The following CLIC4 variants were observed in gnomAD, a reference collection of about 807,000 sequenced individuals.
CLIC4 encodes the protein chloride intracellular channel protein 4.
CLIC4 carries 13 observed loss-of-function variants against 24.6 expected under a neutral mutation model. The observed-to-expected ratio is 0.53, with a 90% CI of 0.34 to 0.84. The LOEUF is 0.84. CLIC4 is among the 40% of genes least tolerant of loss of function. The probability of loss-of-function intolerance (pLI) is 0.01; values close to 1 mark genes in which losing one functional copy is unlikely to be tolerated. For synonymous variants in CLIC4, 104 were observed against 111.3 expected (o/e 0.93, Z 0.41); for missense variants, 227 against 301.7 (o/e 0.75, Z 1.83).
intron 1 of CLIC4, chr1:24,793,186 A>T (rs1299689304): frequency 6.7e-6 from 1 of 149,552 alleles, no homozygotes; most frequent in African/African-American, 2.5e-5. Flanking sequence ...GTAAATCTCA[A>T]ATTTGGATTA....
In CLIC4 at chr1:24,835,015, T is replaced by C. The variant is rs1182879652; in HGVS notation, c.416-4845T>C. 1.4e-3 allele frequency among the ~76,000 whole-genome samples: 2 copies of C among 1,408 alleles called. 1 individual carries two copies. The highest frequency in any genetic ancestry group is 1.4e-3 in the African/African-American group (2 of 1,390). 0.9% of individuals were successfully genotyped at this position (1,408 alleles called of 152,430 possible). A position where few individuals can be genotyped will look rare whatever the true frequency, so the allele number is the denominator to read the frequency against. ...CGGGAGAGGGCGAGCAGTAACGTTT[T>C]ATATTGATTTTTTATTTTTAAGTGG... On this transcript the variant is annotated intron_variant, in intron 4 of 5. Coordinates refer to ENST00000374379, the MANE Select transcript of CLIC4 (RefSeq NM_013943.3).
intron 1 of CLIC4, among the ~76,000 whole-genome samples, chr1:24,788,819 G>T (rs1639302418): frequency 6.6e-6 from 1 of 152,230 alleles, no homozygotes; most frequent in Admixed American, 6.5e-5. Context: ...AGCAGGCACT[G>T]AGAAGAAAAA....
In CLIC4 at chr1:24,745,473, C is replaced by G. The variant is rs1638674218; in HGVS notation, c.-81C>G. ...GTCCAGCGAGCAGCACGGCGGGAAC[C>G]GGCAGCCGGAGCAGTCCCGGAGCAG... On this transcript the variant is annotated 5_prime_UTR_variant, in exon 1 of 6. Coordinates refer to ENST00000374379, the MANE Select transcript of CLIC4 (RefSeq NM_013943.3). 1 of 1,342,852 alleles carries G rather than the reference C, an allele frequency of 7.4e-7. No individual in the cohort carries two copies. The highest frequency in any genetic ancestry group is 1.3e-5 in the South Asian group (1 of 76,116). The allele number at this position is 1,342,852 out of a possible 1,614,324, so 83.2% of individuals were successfully genotyped here.
At position 24,842,123 on chromosome 1, in the gene CLIC4, T is replaced by C. The variant is rs1639949971; in HGVS notation, c.*1186T>C. The C allele has an allele frequency of 1.3e-5, 2 of 152,310 alleles. No individual in the cohort carries two copies. Among genetic ancestry groups the C allele is most frequent in the Non-Finnish European group, 2.9e-5 (2 of 68,016 alleles). 9.4% of individuals were successfully genotyped at this position (152,310 alleles called of 1,614,324 possible). ...AGTTATGGTGAGTGTGTATTTACTG[T>C]AGTTTTGCCTGATCTCACTCATTGC... On this transcript the variant is annotated 3_prime_UTR_variant, in exon 6 of 6. Transcript: ENST00000374379.
chr1:24,775,616 A>G (rs1208765731), intron 1 of CLIC4, among the ~76,000 whole-genome samples: 1 of 149,738 alleles, frequency 6.7e-6, no homozygotes, highest in African/African-American at 2.5e-5. Context: ...AAGCCAATCT[A>G]GTAATATGAA....
chr1:24,756,514 A>T (rs1049842647), intron 1 of CLIC4, among the ~76,000 whole-genome samples: 4 of 152,202 alleles, frequency 2.6e-5, no homozygotes, highest in African/African-American at 4.8e-5. Flanking sequence ...CTTCCAACTT[A>T]CATGTGAATA....
chr1:24,783,500 G>A (rs949851697), intron 1 of CLIC4, among the ~76,000 whole-genome samples: 2 of 151,940 alleles, frequency 1.3e-5, no homozygotes, highest in Non-Finnish European at 2.9e-5. Flanking sequence ...TCAGGATTTC[G>A]AGACCAGCCT....
intron 1 of CLIC4, among the ~76,000 whole-genome samples, chr1:24,758,171 A>G (rs1314167773): frequency 6.6e-6 from 1 of 152,128 alleles, no homozygotes; most frequent in Non-Finnish European, 1.5e-5. Flanking sequence ...TCTTTTTAAA[A>G]AAGTGTCTTT....
chr1:24,784,943 G>T (rs1211237410), intron 1 of CLIC4, among the ~76,000 whole-genome samples: 2 of 149,640 alleles, frequency 1.3e-5, no homozygotes, highest in Middle Eastern at 3.2e-3. Flanking sequence ...GGCGGAGCTT[G>T]CAGTGAGCCA....
chr1:24,796,972 T>C (rs1639411981), intron 1 of CLIC4, among the ~76,000 whole-genome samples: 1 of 150,904 alleles, frequency 6.6e-6, no homozygotes, highest in South Asian at 2.1e-4. Flanking sequence ...TTTTTTTTTT[T>C]GAGACAGAGT....
intron 4 of CLIC4, among the ~76,000 whole-genome samples, chr1:24,831,932 C>T (rs1639845705): frequency 6.6e-6 from 1 of 152,242 alleles, no homozygotes; most frequent in South Asian, 2.1e-4. Context: ...AAGCACCATG[C>T]CCGGCCATGC....
chr1:24,839,681 C>T (rs1201442876), intron 4 of CLIC4, among the ~76,000 whole-genome samples, 179 bp from the exon 5 acceptor site: 2 of 152,182 alleles, frequency 1.3e-5, no homozygotes, highest in African/African-American at 4.8e-5. Flanking sequence ...CTTGTTTCAT[C>T]CCCTGCCCCA....
intron 1 of CLIC4, among the ~76,000 whole-genome samples, chr1:24,765,390 A>T (rs1362727900): frequency 6.6e-6 from 1 of 152,188 alleles, no homozygotes; most frequent in Non-Finnish European, 1.5e-5. Flanking sequence ...TGGGAGGAAA[A>T]GAAGAACTAA....
chr1:24,838,625 T>G lies in CLIC4; in HGVS notation c.416-1235T>G, dbSNP rs78099882. Among the ~76,000 whole-genome samples the G allele has an allele frequency of 4.1e-3, 628 of 152,308 alleles. 3 individuals are homozygous for G. The highest frequency in any genetic ancestry group is 6.2e-3 in the Non-Finnish European group (419 of 68,032). Reference sequence around the variant, plus strand: ...CCACCTCATGATATTTAACTTTCTTTTATGGCCAGTTACCACAATCATCTG... The same window carrying G: ...CCACCTCATGATATTTAACTTTCTTGTATGGCCAGTTACCACAATCATCTG... On this transcript the variant is annotated intron_variant, in intron 4 of 5. Transcript: ENST00000374379.
chr1:24,769,343 A>C (rs1473438398), intron 1 of CLIC4, among the ~76,000 whole-genome samples: 2 of 152,218 alleles, frequency 1.3e-5, no homozygotes, highest in Non-Finnish European at 2.9e-5. Flanking sequence ...GGTGCTTACT[A>C]TGGGCCAGGC....
Position 24,829,224 on chromosome 1 carries a change from T to C in CLIC4, c.415+2108T>C, listed in dbSNP as rs145494887. Among the ~76,000 whole-genome samples, 56 of 152,346 alleles carry C rather than the reference T, an allele frequency of 3.7e-4. 1 individual carries two copies. The highest frequency in any genetic ancestry group is 1.2e-3 in the African/African-American group (49 of 41,578). ...AAATATTTTCAAAATCCAATATGTT[T>C]GGACAATTTTAAGACCTTTTAGGAC... On this transcript the variant is annotated intron_variant, in intron 4 of 5. Transcript: ENST00000374379.
At chr1:24,759,082 G>C (rs1638888329) in intron 1 of CLIC4, among the ~76,000 whole-genome samples, 1 of 152,260 alleles carries the variant, frequency 6.6e-6, no homozygotes, top group African/African-American at 2.4e-5. Flanking sequence ...CACCTAGAAT[G>C]GATATTGATT....
chr1:24,825,006 A>T (rs953345335), intron 3 of CLIC4, among the ~76,000 whole-genome samples: 2 of 148,736 alleles, frequency 1.3e-5, no homozygotes, highest in South Asian at 2.1e-4. Flanking sequence ...TCACACACAC[A>T]CACACACACA....
At chr1:24,772,720 A>G (rs988153519) in intron 1 of CLIC4, among the ~76,000 whole-genome samples, 1 of 152,148 alleles carries the variant, frequency 6.6e-6, no homozygotes, top group Non-Finnish European at 1.5e-5. Context: ...CCCTGACCTC[A>G]TGATCCACCC....
Sources: gnomAD v4.1 joint callset for allele counts (sites outside exome capture counted in the v4.1 genomes callset) on GRCh38, gnomAD v4.1.1 for gene constraint, MANE v1.5 for transcripts, NCBI Gene and HGNC (gene_info 2026-07-23, HGNC 2026-07-21) for gene names.